SLC2A12: variants seen among roughly 807,000 people sequenced by gnomAD.
SLC2A12 encodes solute carrier family 2, facilitated glucose transporter member 12.
SLC2A12 carries 23 observed loss-of-function variants against 41.8 expected under a neutral mutation model. The ratio of observed to expected loss-of-function variants is 0.55; its 90% CI spans 0.40 to 0.78. The LOEUF (loss-of-function observed/expected upper bound fraction) is 0.78, where lower values mean the gene tolerates loss of function less well. Among genes scored for constraint, SLC2A12 ranks in the 30% least tolerant of loss-of-function variants. The pLI, the probability that SLC2A12 is intolerant of heterozygous loss-of-function variation, is 0.00. For synonymous variants in SLC2A12, 295 were observed against 285.9 expected (o/e 1.03, Z -0.32); for missense variants, 654 against 745.6 (o/e 0.88, Z 1.43).
chr6:134,002,904 C>A (rs538279938), intron 3 of SLC2A12, among the ~76,000 whole-genome samples: 208 of 149,632 alleles, frequency 1.4e-3, no homozygotes, highest in African/African-American at 5.1e-3. Flanking sequence ...CCTTTGTAGT[C>A]ATGGACCAAG....
intron 2 of SLC2A12, chr6:134,008,971 C>T (rs532676358): frequency 6.6e-6 from 1 of 152,432 alleles, no homozygotes; most frequent in East Asian, 1.9e-4. Flanking sequence ...TTTCAAACCT[C>T]CTTCTTCCCC....
chr6:134,048,942 T>C (rs900424353), intron 1 of SLC2A12, among the ~76,000 whole-genome samples: 5 of 152,148 alleles, frequency 3.3e-5, no homozygotes, highest in African/African-American at 9.7e-5. Context: ...CCCCTAGAGC[T>C]GACTGACGAA....
At position 134,028,681 on chromosome 6, in the gene SLC2A12, T is replaced by C; in HGVS notation, c.1144A>G (p.Ile382Val). ...ACAGACTCATCCAAGGACTGGTTGA[T>C]AGAATTGTGGCTTCTGCAGATATGG... Reference protein sequence around the residue: ...FTHICRSHNSINQSLDESVIY... With the variant: ...FTHICRSHNSVNQSLDESVIY... The change falls in exon 2 of 5, where the codon ATC becomes GTC. Residue 382 changes from isoleucine (I) to valine (V), a missense_variant. By Grantham distance (29) the Ile-to-Val change is conservative. Transcript: ENST00000275230. 6.2e-7 allele frequency: 1 copy of C among 1,614,228 alleles called. No homozygotes were observed. Among genetic ancestry groups the C allele is most frequent in the Non-Finnish European group, 8.5e-7 (1 of 1,180,036 alleles).
chr6:134,035,481 C>T (rs982614377), intron 1 of SLC2A12, among the ~76,000 whole-genome samples: 1 of 152,196 alleles, frequency 6.6e-6, no homozygotes. Flanking sequence ...CAGTTTATTA[C>T]TATTGACTCA....
At chr6:134,004,387 G>A (rs757416202) in intron 3 of SLC2A12, among the ~76,000 whole-genome samples, 2 of 152,034 alleles carry the variant, frequency 1.3e-5, no homozygotes, top group Non-Finnish European at 2.9e-5. Flanking sequence ...CCCAAACCAC[G>A]CTTAAATAGT....
intron 2 of SLC2A12, among the ~76,000 whole-genome samples, chr6:134,027,209 T>C (rs1184180277): frequency 6.6e-6 from 1 of 152,212 alleles, no homozygotes; most frequent in African/African-American, 2.4e-5. Flanking sequence ...CATCACTCAA[T>C]ACATATTGCT....
intron 1 of SLC2A12, among the ~76,000 whole-genome samples, chr6:134,033,741 T>G (rs1424557469): frequency 6.6e-6 from 1 of 152,122 alleles, no homozygotes; most frequent in African/African-American, 2.4e-5. Flanking sequence ...CCTCTTCCTT[T>G]CTTGTTTTCC....
intron 2 of SLC2A12, among the ~76,000 whole-genome samples, chr6:134,026,735 G>A (rs141886135): frequency 3.3e-5 from 5 of 152,328 alleles, no homozygotes; most frequent in East Asian, 1.9e-4. Context: ...GTCTTATAGC[G>A]GGAAATATGT....
At chr6:134,029,954 C>T (rs1241233726) in intron 1 of SLC2A12, among the ~76,000 whole-genome samples, 1 of 152,036 alleles carries the variant, frequency 6.6e-6, no homozygotes, top group Non-Finnish European at 1.5e-5. Flanking sequence ...AGTCCAGTTT[C>T]CTTCTATTTA....
intron 1 of SLC2A12, among the ~76,000 whole-genome samples, chr6:134,035,796 A>G (rs1039723708): frequency 6.6e-6 from 1 of 152,204 alleles, no homozygotes; most frequent in African/African-American, 2.4e-5. Flanking sequence ...TGATGCAATG[A>G]CAATTCTTTA....
chr6:134,006,194 A>T (rs200235610), intron 3 of SLC2A12, among the ~76,000 whole-genome samples: 1 of 90,938 alleles, frequency 1.1e-5, no homozygotes, highest in Non-Finnish European at 2.5e-5. Context: ...AAAAAAAAAC[A>T]AAAAAAAAAA....
intron 1 of SLC2A12, among the ~76,000 whole-genome samples, chr6:134,039,786 TG>T (rs1194643221): frequency 6.6e-6 from 1 of 152,184 alleles, no homozygotes; most frequent in Admixed American, 6.5e-5. Flanking sequence ...GCCATCTGCT[TG>T]GTGATAAGTG....
At chr6:134,032,292 C>T (rs1463686778) in intron 1 of SLC2A12, among the ~76,000 whole-genome samples, 1 of 151,064 alleles carries the variant, frequency 6.6e-6, no homozygotes, top group Non-Finnish European at 1.5e-5. Flanking sequence ...AATTTATGAG[C>T]ATTTTGAACA....
chr6:134,025,509 G>A (rs1453759468), intron 2 of SLC2A12, among the ~76,000 whole-genome samples: 2 of 152,174 alleles, frequency 1.3e-5, no homozygotes, highest in East Asian at 1.9e-4. Context: ...AATTAGCATA[G>A]AATGTTATTG....
chr6:133,996,941 T>A (rs1776702408), intron 4 of SLC2A12, among the ~76,000 whole-genome samples: 1 of 152,044 alleles, frequency 6.6e-6, no homozygotes, highest in Non-Finnish European at 1.5e-5. Flanking sequence ...TTTGCCAACC[T>A]GTTGGTTCAG....
rs549329846 is a variant in SLC2A12 at position 134,021,836 on chromosome 6, T to C, written c.1444+6545A>G. The stretch of plus-strand genomic sequence containing the variant: ...TGGATTCAAAGAGGAGATAAAGCTT[T>C]CATTTAACTTCAAAAAGAGGAAGGA... On this transcript the variant is annotated intron_variant, in intron 2 of 4. Transcript: ENST00000275230. Among the ~76,000 whole-genome samples the C allele has an allele frequency of 7.9e-5, 12 of 152,282 alleles. No individual in the cohort carries two copies. The South Asian group carries it at 2.5e-3, about 32-fold the overall frequency.
At chr6:134,014,561 T>A (rs537146335) in intron 2 of SLC2A12, among the ~76,000 whole-genome samples, 1 of 152,370 alleles carries the variant, frequency 6.6e-6, no homozygotes, top group African/African-American at 2.4e-5. Flanking sequence ...TTTTCATTAT[T>A]GATACTTTAA....
At chr6:134,034,477 G>A (rs185100249) in intron 1 of SLC2A12, among the ~76,000 whole-genome samples, 145 of 152,304 alleles carry the variant, frequency 9.5e-4, no homozygotes, top group Middle Eastern at 6.8e-3. Flanking sequence ...CTGAGATTGT[G>A]ACTCTGATAC....
intron 4 of SLC2A12, among the ~76,000 whole-genome samples, chr6:133,996,412 A>G (rs552055671): frequency 6.6e-6 from 1 of 152,232 alleles, no homozygotes; most frequent in Admixed American, 6.5e-5. Flanking sequence ...TTCAAATTAC[A>G]TTATTGCAGA....
Sources: gnomAD v4.1 joint callset for allele counts (sites outside exome capture counted in the v4.1 genomes callset) on GRCh38, gnomAD v4.1.1 for gene constraint, MANE v1.5 for transcripts, NCBI Gene and HGNC (gene_info 2026-07-23, HGNC 2026-07-21) for gene names.